The following NRIP1 variants were observed in gnomAD, a reference collection of about 807,000 sequenced individuals.
The protein encoded by NRIP1 is nuclear receptor-interacting protein 1.
A neutral mutation model predicts 75.0 loss-of-function variants in NRIP1; 28 were observed. That is an observed-to-expected ratio of 0.37 (90% CI 0.28 to 0.51). The LOEUF (loss-of-function observed/expected upper bound fraction) is 0.51, where lower values mean the gene tolerates loss of function less well. NRIP1 is among the 20% of genes least tolerant of loss of function. The probability of loss-of-function intolerance (pLI) is 0.92; values close to 1 mark genes in which losing one functional copy is unlikely to be tolerated. For synonymous variants in NRIP1, 526 were observed against 487.6 expected, an observed-to-expected ratio of 1.08 and a Z score of -1.04; for missense variants, 1,435 against 1,343.7, an observed-to-expected ratio of 1.07 and a Z score of -1.06.
intron 3 of NRIP1, among the ~76,000 whole-genome samples, chr21:14,997,131 C>CA (rs894038355): frequency 2.0e-5 from 3 of 151,650 alleles, no homozygotes; most frequent in Admixed American, 6.6e-5. Flanking sequence ...TACAGATCTA[C>CA]AAAAAATCTC....
intron 2 of NRIP1, among the ~76,000 whole-genome samples, chr21:15,040,280 G>A (rs1322277247): frequency 6.6e-6 from 1 of 151,926 alleles, no homozygotes; most frequent in East Asian, 1.9e-4. Flanking sequence ...CAGATACTGG[G>A]TTAAATCAAA....
intron 3 of NRIP1, among the ~76,000 whole-genome samples, chr21:15,007,672 G>A (rs1031018092): frequency 3.9e-5 from 6 of 152,130 alleles, no homozygotes; most frequent in Admixed American, 6.5e-5. Flanking sequence ...GTGTGAGAGC[G>A]TATTTCCCTT....
chr21:15,014,136 T>G lies in NRIP1; in HGVS notation c.-335+208A>C, dbSNP rs78958202. Among the ~76,000 whole-genome samples the G allele has an allele frequency of 5.5e-3, 834 of 152,338 alleles. 46 individuals carry two copies. The East Asian group carries it at 0.13, about 24-fold the overall frequency. On this transcript the variant is annotated intron_variant, in intron 3 of 3. Coordinates refer to ENST00000318948, the MANE Select transcript of NRIP1 (RefSeq NM_003489.4). ...TGTTTGATTACATTATTTATCTACA[T>G]TTATTCTTTCCATATAAGTTCCTTA... is the stretch of plus-strand genomic sequence containing the variant.
chr21:15,016,441 G>A (rs1600873746), intron 2 of NRIP1, among the ~76,000 whole-genome samples: 1 of 152,070 alleles, frequency 6.6e-6, no homozygotes, highest in East Asian at 1.9e-4. Context: ...CTCAAGGCAC[G>A]CCCATCTTCC....
intron 3 of NRIP1, among the ~76,000 whole-genome samples, chr21:14,972,358 A>G (rs1268450606): frequency 6.6e-6 from 1 of 152,360 alleles, no homozygotes; most frequent in East Asian, 1.9e-4. Flanking sequence ...AAAATGAGGC[A>G]CGATACTAAA....
chr21:14,973,220 G>A (rs972548115), intron 3 of NRIP1, among the ~76,000 whole-genome samples: 1 of 151,556 alleles, frequency 6.6e-6, no homozygotes, highest in East Asian at 1.9e-4. Flanking sequence ...GCTTATGGCG[G>A]ATGAGAAGAA....
chr21:14,983,438 G>A (rs2087302016), intron 3 of NRIP1, among the ~76,000 whole-genome samples: 1 of 152,144 alleles, frequency 6.6e-6, no homozygotes, highest in African/African-American at 2.4e-5. Context: ...AGCGGCAGAG[G>A]TGGCTCATAC....
intron 3 of NRIP1, among the ~76,000 whole-genome samples, chr21:14,968,995 G>A (rs1418100135): frequency 6.6e-6 from 1 of 152,136 alleles, no homozygotes; most frequent in African/African-American, 2.4e-5. Context: ...AGTCTGATGT[G>A]GGGTTGAGGC....
At chr21:15,057,164 G>T (rs1228575012) in intron 1 of NRIP1, among the ~76,000 whole-genome samples, 1 of 143,480 alleles carries the variant, frequency 7.0e-6, no homozygotes, top group African/African-American at 2.8e-5. Context: ...TGAAGATAGG[G>T]TAATTAAAAA....
chr21:14,966,814 A>G lies in NRIP1; in HGVS notation c.1379T>C (p.Leu460Pro), dbSNP rs1478273273. The G allele has an allele frequency of 6.2e-7, 1 of 1,614,038 alleles. No individual in the cohort carries two copies. The highest frequency in any genetic ancestry group is 1.3e-5 in the African/African-American group (1 of 74,936). Reference protein sequence around the residue: ...EKSESDQPVSLDNFTQSLLNT... With the variant: ...EKSESDQPVSPDNFTQSLLNT... The stretch of plus-strand genomic sequence containing the variant: ...TAGCAAGGATTGAGTGAAGTTATCC[A>G]GGGAAACAGGTTGGTCAGATTCTGA... The change falls in exon 4 of 4, where the codon CTG becomes CCG. Residue 460 changes from leucine to proline, a missense_variant. Leu to Pro is a moderately conservative substitution (Grantham distance 98). Coordinates refer to ENST00000318948, the MANE Select transcript of NRIP1 (RefSeq NM_003489.4).
intron 2 of NRIP1, among the ~76,000 whole-genome samples, chr21:15,039,874 A>T (rs187688660): frequency 6.1e-4 from 93 of 152,234 alleles, no homozygotes; most frequent in African/African-American, 2.1e-3. Context: ...AACACTGGCT[A>T]ATTGATTTAT....
intron 1 of NRIP1, among the ~76,000 whole-genome samples, chr21:15,054,626 T>C (rs1271872874): frequency 6.6e-6 from 1 of 152,180 alleles, no homozygotes; most frequent in East Asian, 1.9e-4. Flanking sequence ...GTGGAAGAGC[T>C]TCCATTATTC....
At chr21:15,030,823 G>A (rs112391382) in intron 2 of NRIP1, among the ~76,000 whole-genome samples, 134 of 151,680 alleles carry the variant, frequency 8.8e-4, no homozygotes, top group African/African-American at 2.9e-3. Flanking sequence ...CTTTCTATGT[G>A]TATACACTCT....
intron 1 of NRIP1, among the ~76,000 whole-genome samples, chr21:15,058,000 C>T (rs1388818702): frequency 6.6e-6 from 1 of 152,208 alleles, no homozygotes; most frequent in Non-Finnish European, 1.5e-5. Flanking sequence ...TCTACCCAAT[C>T]ATCTCTTCTT....
chr21:15,032,354 T>G (rs551190633), intron 2 of NRIP1, among the ~76,000 whole-genome samples: 2 of 152,294 alleles, frequency 1.3e-5, no homozygotes, highest in South Asian at 4.1e-4. Flanking sequence ...GTAGACAAAA[T>G]AGAAGATATT....
At chr21:15,007,483 CTG>C (rs1459388039) in intron 3 of NRIP1, among the ~76,000 whole-genome samples, 5 of 152,102 alleles carry the variant, frequency 3.3e-5, no homozygotes, top group Non-Finnish European at 7.4e-5. Flanking sequence ...TTGATAAACA[CTG>C]TGCTAAAAAA....
chr21:14,967,501 C>A lies in NRIP1; in HGVS notation c.692G>T (p.Ser231Ile). 1 of 1,614,166 alleles carries A rather than the reference C, an allele frequency of 6.2e-7. No individual in the cohort carries two copies. ...TCTTGCAGCACATGACAACGGTTCA[C>A]TCATGACCTTTGTTCCACTTTGTCC... is the stretch of plus-strand genomic sequence containing the variant. ...HVGQSGTKVM[S>I]EPLSCAARLQ... Residue 231 changes from serine (S) to isoleucine (I), a missense_variant, in exon 4 of 4, where the codon AGT becomes ATT. Coordinates refer to ENST00000318948, the MANE Select transcript of NRIP1 (RefSeq NM_003489.4).
At chr21:14,973,019 T>C (rs1463079037) in intron 3 of NRIP1, among the ~76,000 whole-genome samples, 2 of 152,194 alleles carry the variant, frequency 1.3e-5, no homozygotes, top group East Asian at 3.9e-4. Flanking sequence ...GAAACTGGAA[T>C]TGTTTATAAA....
chr21:14,966,016 T>TC lies in NRIP1; in HGVS notation c.2176dup (p.Glu726GlyfsTer11). 1 of 1,611,590 alleles carries TC rather than the reference T, an allele frequency of 6.2e-7. No individual in the cohort carries two copies. Among genetic ancestry groups the TC allele is most frequent in the Non-Finnish European group, 8.5e-7 (1 of 1,179,416 alleles). ...TCTTAAGGGAGTTTTCTCTTTTTTT[T>TC]CACTCTTCCCTTTGTTGGGGTTCCC... On this transcript the variant is annotated frameshift_variant, in exon 4 of 4. Coordinates refer to ENST00000318948, the MANE Select transcript of NRIP1 (RefSeq NM_003489.4). LOFTEE classifies it high-confidence loss of function.
Sources: gnomAD v4.1 joint callset for allele counts (sites outside exome capture counted in the v4.1 genomes callset) on GRCh38, gnomAD v4.1.1 for gene constraint, MANE v1.5 for transcripts, NCBI Gene and HGNC (gene_info 2026-07-23, HGNC 2026-07-21) for gene names.